Variants in PTTG1 observed in about 807,000 individuals in gnomAD.
The protein encoded by PTTG1 is securin.
PTTG1 carries 8 observed loss-of-function variants against 20.0 expected under a neutral mutation model. That is an observed-to-expected ratio of 0.40 (90% CI 0.23 to 0.72). The LOEUF is 0.72. Among genes scored for constraint, PTTG1 ranks in the 30% least tolerant of loss-of-function variants. PTTG1 has a pLI of 0.38. For synonymous variants in PTTG1, 79 were observed against 87.2 expected (o/e 0.91, Z 0.52); for missense variants, 197 against 236.0 (o/e 0.83, Z 1.08).
At chr5:160,423,446 G>T (rs1428987663) in intron 3 of PTTG1, among the ~76,000 whole-genome samples, 6 of 152,232 alleles carry the variant, frequency 3.9e-5, no homozygotes, top group East Asian at 1.9e-4. Context: ...TTAGCATGTG[G>T]ATTAACACTT....
intron 1 of PTTG1, 88 bp from the exon 2 acceptor site, chr5:160,422,214 A>G: frequency 1.1e-6 from 1 of 904,094 alleles, no homozygotes; most frequent in East Asian, 2.5e-5. Flanking sequence ...TTTTGTGTGG[A>G]CACTCCTAGG....
At position 160,422,796 on chromosome 5, in the gene PTTG1, C is replaced by A; in HGVS notation, c.179C>A (p.Thr60Asn). The A allele has an allele frequency of 6.2e-7, 1 of 1,614,086 alleles. No homozygotes were observed. Among genetic ancestry groups the A allele is most frequent in the East Asian group, 2.2e-5 (1 of 44,882 alleles). Residue 60 changes from threonine (T) to asparagine (N), a missense_variant, in exon 3 of 6, where the codon ACT becomes AAT. Thr to Asn is a moderately conservative substitution (Grantham distance 65, BLOSUM62 0). Transcript: ENST00000352433. ...FDAPPALPKATRKALGTVNRA... is the reference protein window; with the variant it reads ...FDAPPALPKANRKALGTVNRA... The stretch of plus-strand genomic sequence containing the variant: ...GCCCCACCAGCCTTACCTAAAGCTA[C>A]TAGAAAGGCTTTGGGAACTGTCAAC...
intron 5 of PTTG1, 71 bp from the exon 6 acceptor site, chr5:160,428,531 A>G (rs1765851454): frequency 2.3e-6 from 3 of 1,300,728 alleles, no homozygotes; most frequent in Non-Finnish European, 2.2e-6. Flanking sequence ...ATTGACAGCT[A>G]ATGTCTATGT....
At chr5:160,424,067 T>C (rs571525941) in intron 3 of PTTG1, among the ~76,000 whole-genome samples, 170 bp from the exon 4 acceptor site, 1 of 152,354 alleles carries the variant, frequency 6.6e-6, no homozygotes, top group South Asian at 2.1e-4. Flanking sequence ...TTTTGAGTCA[T>C]GCTACTCGAA....
At chr5:160,422,564 TCTG>T (rs768962201) in intron 2 of PTTG1, 142 bp from the exon 3 acceptor site, 1 of 1,037,142 alleles carries the variant, frequency 9.6e-7, no homozygotes, top group Non-Finnish European at 1.5e-6. Flanking sequence ...TTACTGAATC[TCTG>T]CTATTAGGCC....
At chr5:160,423,074 G>C in intron 3 of PTTG1, 181 bp downstream of exon 3, 6 of 655,262 alleles carry the variant, frequency 9.2e-6, no homozygotes, top group Middle Eastern at 3.8e-4. Context: ...CTTGAGATTG[G>C]AAATCTCAGA....
chr5:160,427,349 C>T (rs1450063310), intron 4 of PTTG1, among the ~76,000 whole-genome samples: 2 of 152,166 alleles, frequency 1.3e-5, no homozygotes, highest in Non-Finnish European at 2.9e-5. Context: ...TTTTATCACA[C>T]AGAACATTAA....
intron 2 of PTTG1, 46 bp from the exon 3 acceptor site, chr5:160,422,663 G>C (rs971776484): frequency 1.3e-6 from 2 of 1,597,712 alleles, no homozygotes; most frequent in African/African-American, 2.7e-5. Flanking sequence ...AAGTTGTACA[G>C]GTATTTTGCT....
chr5:160,423,779 C>T (rs1300146133), intron 3 of PTTG1, among the ~76,000 whole-genome samples: 2 of 152,154 alleles, frequency 1.3e-5, no homozygotes, highest in Non-Finnish European at 2.9e-5. Context: ...ATTCTAAAGT[C>T]CTTGACAGTG....
In PTTG1 at chr5:160,422,434, TGGTATTGTGGACGTGGCCTG is replaced by T. The variant is rs749524406; in HGVS notation, c.91+33_91+52del. ...TATACAAGGCTGCAGTCGGATACAC[TGGTATTGTGGACGTGGCCTG>T]GAGCTGGACGAGACATTTAGTGTAC... On this transcript the variant is annotated intron_variant, in intron 2 of 5. Coordinates refer to ENST00000352433, the MANE Select transcript of PTTG1 (RefSeq NM_004219.4). 1.9e-6 allele frequency: 3 copies of T among 1,575,814 alleles called. No homozygotes were observed. In the South Asian group the frequency reaches 3.3e-5, roughly 17 times the overall value.
At chr5:160,422,975 G>T in intron 3 of PTTG1, 82 bp downstream of exon 3, 1 of 1,443,708 alleles carries the variant, frequency 6.9e-7, no homozygotes, top group South Asian at 1.2e-5. Flanking sequence ...ATCCTACGTA[G>T]CTTTCTTCCC....
chr5:160,423,403 C>T (rs147060712), intron 3 of PTTG1, among the ~76,000 whole-genome samples: 64 of 152,108 alleles, frequency 4.2e-4, no homozygotes, highest in African/African-American at 1.3e-3. Flanking sequence ...TCTGTGTATC[C>T]CAGATGAGAG....
intron 4 of PTTG1, chr5:160,424,874 A>G (rs1384834464): frequency 1.3e-5 from 2 of 152,310 alleles, no homozygotes; most frequent in Admixed American, 1.3e-4. Context: ...TCCTGGACAC[A>G]CTGTTTAACA....
At chr5:160,426,788 A>C (rs1402223959) in intron 4 of PTTG1, among the ~76,000 whole-genome samples, 1 of 152,244 alleles carries the variant, frequency 6.6e-6, no homozygotes, top group African/African-American at 2.4e-5. Context: ...TCACGCCTGT[A>C]ATCCCAGCAC....
chr5:160,423,805 C>A (rs904424690), intron 3 of PTTG1, among the ~76,000 whole-genome samples: 1 of 152,212 alleles, frequency 6.6e-6, no homozygotes, highest in Non-Finnish European at 1.5e-5. Flanking sequence ...CTGCCTCTTA[C>A]TCAGTGTGTG....
rs1414597319 is a variant in PTTG1, at chr5:160,427,527, C to T, written c.371-188C>T. Among the ~76,000 whole-genome samples, 3 of 152,110 alleles carry T rather than the reference C, an allele frequency of 2.0e-5. No homozygotes were observed. In the East Asian group the frequency reaches 5.8e-4, roughly 29 times the overall value. Reference sequence around the variant, plus strand: ...ACTGCCTTGATTTGTGTTGAGGCACCAGCAGCTTTCTCCACCGCTGCCTTG... The same window carrying T: ...ACTGCCTTGATTTGTGTTGAGGCACTAGCAGCTTTCTCCACCGCTGCCTTG... On this transcript the variant is annotated intron_variant, in intron 4 of 5. Transcript: ENST00000352433.
intron 2 of PTTG1, 111 bp downstream of exon 2, chr5:160,422,514 T>C: frequency 1.1e-6 from 1 of 945,578 alleles, no homozygotes; most frequent in Admixed American, 2.1e-5. Flanking sequence ...TTATTGGTCC[T>C]TTTTCATTTT....
At chr5:160,422,228 G>C (rs1266514421) in intron 1 of PTTG1, 74 bp from the exon 2 acceptor site, 2 of 1,103,746 alleles carry the variant, frequency 1.8e-6, no homozygotes. Flanking sequence ...TCCTAGGATA[G>C]AAAGTTTGGT....
intron 2 of PTTG1, 54 bp downstream of exon 2, chr5:160,422,457 G>A: frequency 1.4e-6 from 2 of 1,480,390 alleles, no homozygotes; most frequent in Non-Finnish European, 1.9e-6. Flanking sequence ...GTGGCCTGGA[G>A]CTGGACGAGA....
Sources: allele counts gnomAD v4.1 joint callset (sites outside exome capture counted in the v4.1 genomes callset), GRCh38; gene constraint gnomAD v4.1.1; transcripts MANE v1.5; gene names NCBI Gene and HGNC (gene_info 2026-07-23, HGNC 2026-07-21).